COL21A1: variants seen among roughly 807,000 people sequenced by gnomAD.
COL21A1 encodes the protein collagen alpha-1(XXI) chain.
A neutral mutation model predicts 137.9 loss-of-function variants in COL21A1; 149 were observed. The observed-to-expected ratio is 1.08, with a 90% CI of 0.95 to 1.24. The LOEUF (loss-of-function observed/expected upper bound fraction) is 1.24, where lower values mean the gene tolerates loss of function less well. Among genes scored for constraint, COL21A1 ranks in the 50% most tolerant of loss-of-function variants. COL21A1 has a pLI of 0.00. For missense variants in COL21A1, 1,167 were observed against 1,158.4 expected (o/e 1.01, Z -0.11); for synonymous variants, 456 against 391.5 (o/e 1.16, Z -1.95).
At chr6:56,176,550 A>G (rs1212990665) in intron 3 of COL21A1, among the ~76,000 whole-genome samples, 1 of 150,744 alleles carries the variant, frequency 6.6e-6, no homozygotes, top group Non-Finnish European at 1.5e-5. Flanking sequence ...ATGCAAATCA[A>G]TACTACAATG....
intron 16 of COL21A1, among the ~76,000 whole-genome samples, chr6:56,114,256 T>G (rs1582392717): frequency 6.6e-6 from 1 of 152,140 alleles, no homozygotes; most frequent in African/African-American, 2.4e-5. Context: ...AGACACTGGG[T>G]GAGACCCAGT....
At chr6:56,301,975 G>A (rs942463630) in intron 1 of COL21A1, among the ~76,000 whole-genome samples, 11 of 151,866 alleles carry the variant, frequency 7.2e-5, no homozygotes, top group Non-Finnish European at 1.2e-4. Context: ...GAGAACATGC[G>A]GTGTTTGGTT....
intron 1 of COL21A1, among the ~76,000 whole-genome samples, chr6:56,372,870 C>T (rs1210926124): frequency 6.6e-6 from 1 of 152,202 alleles, no homozygotes; most frequent in African/African-American, 2.4e-5. Context: ...TAGGGAATTT[C>T]CTGCCTCATA....
At chr6:56,375,187 G>A (rs2093996898) in intron 1 of COL21A1, among the ~76,000 whole-genome samples, 1 of 152,098 alleles carries the variant, frequency 6.6e-6, no homozygotes, top group Non-Finnish European at 1.5e-5. Flanking sequence ...TTACATCAAG[G>A]TCAGCAAAAC....
chr6:56,069,832 A>T (rs901760515), intron 21 of COL21A1, among the ~76,000 whole-genome samples: 1 of 151,092 alleles, frequency 6.6e-6, no homozygotes, highest in East Asian at 1.9e-4. Flanking sequence ...TTTTGTTTTT[A>T]TAAAAAATAT....
At chr6:56,329,193 CAT>C (rs1358986674) in intron 1 of COL21A1, among the ~76,000 whole-genome samples, 3 of 152,130 alleles carry the variant, frequency 2.0e-5, no homozygotes, top group South Asian at 2.1e-4. Flanking sequence ...TATTACATGA[CAT>C]GTGTCTACTG....
chr6:56,207,029 C>T (rs1779839140), intron 1 of COL21A1, among the ~76,000 whole-genome samples: 1 of 152,048 alleles, frequency 6.6e-6, no homozygotes, highest in African/African-American at 2.4e-5. Flanking sequence ...CTCTGGGACA[C>T]ATTTAAAGCA....
intron 12 of COL21A1, among the ~76,000 whole-genome samples, chr6:56,129,695 T>A (rs1320597725): frequency 3.0e-5 from 3 of 99,778 alleles, no homozygotes; most frequent in African/African-American, 1.2e-4. Flanking sequence ...TGTGTGTGTG[T>A]GTGTGAGAGA....
At chr6:56,131,636 A>G (rs774617685) in intron 12 of COL21A1, among the ~76,000 whole-genome samples, 9 of 152,096 alleles carry the variant, frequency 5.9e-5, no homozygotes, top group Non-Finnish European at 4.4e-5. Context: ...AAAGTAAACA[A>G]AGAGTGTAGT....
intron 1 of COL21A1, among the ~76,000 whole-genome samples, chr6:56,275,716 A>G (rs1458491335): frequency 6.6e-6 from 1 of 152,168 alleles, no homozygotes; most frequent in African/African-American, 2.4e-5. Context: ...TAAAAAGTCA[A>G]AAAATGACAG....
intron 23 of COL21A1, among the ~76,000 whole-genome samples, chr6:56,066,977 ATGTGTGTG>A (rs1194811264): frequency 3.1e-4 from 45 of 146,546 alleles, no homozygotes; most frequent in African/African-American, 1.1e-3. Flanking sequence ...ATATATATAT[ATGTGTGTG>A]TGTGTGTGTG....
chr6:56,307,100 G>C (rs1387289893), intron 1 of COL21A1, among the ~76,000 whole-genome samples: 2 of 152,314 alleles, frequency 1.3e-5, no homozygotes, highest in East Asian at 3.9e-4. Flanking sequence ...TCTCAGAGAA[G>C]TACCCGGCCG....
At chr6:56,069,795 AT>A (rs1766589615) in intron 21 of COL21A1, among the ~76,000 whole-genome samples, 1 of 151,078 alleles carries the variant, frequency 6.6e-6, no homozygotes, top group Non-Finnish European at 1.5e-5. Flanking sequence ...TAAAATTCTT[AT>A]TGTTAAACAT....
intron 1 of COL21A1, among the ~76,000 whole-genome samples, chr6:56,340,993 A>G (rs1036826996): frequency 2.6e-5 from 4 of 152,114 alleles, no homozygotes; most frequent in African/African-American, 9.7e-5. Flanking sequence ...AGGCACTTTC[A>G]TGGGTGTGTG....
chr6:56,351,502 A>T (rs1008843260), intron 1 of COL21A1, among the ~76,000 whole-genome samples: 1 of 152,156 alleles, frequency 6.6e-6, no homozygotes, highest in South Asian at 2.1e-4. Context: ...GGAGCTAGAG[A>T]CTATTGCTGA....
At chr6:56,233,317 T>TAAAAACCAGCAACATGAAG (rs1233034610) in intron 1 of COL21A1, among the ~76,000 whole-genome samples, 4 of 151,442 alleles carry the variant, frequency 2.6e-5, no homozygotes, top group Non-Finnish European at 5.9e-5. Context: ...CAAATATCAA[T>TAAAAACCAGCAACATGAAG]AAAAACCAGC....
At chr6:56,168,797 T>C (rs541126450) in intron 5 of COL21A1, among the ~76,000 whole-genome samples, 31 of 151,882 alleles carry the variant, frequency 2.0e-4, no homozygotes, top group Non-Finnish European at 4.0e-4. Flanking sequence ...TACTCATAGG[T>C]CTATTCTGGA....
At chr6:56,160,176 G>A (rs1776088662) in intron 9 of COL21A1, among the ~76,000 whole-genome samples, 1 of 152,212 alleles carries the variant, frequency 6.6e-6, no homozygotes, top group Non-Finnish European at 1.5e-5. Context: ...GCTGACTGGA[G>A]AGAAAGCCAA....
intron 17 of COL21A1, among the ~76,000 whole-genome samples, chr6:56,095,436 T>A (rs961974887): frequency 6.6e-6 from 1 of 152,196 alleles, no homozygotes; most frequent in Admixed American, 6.5e-5. Flanking sequence ...CTCACTTTAG[T>A]TGTTACTAGA....
Sources: gnomAD v4.1 joint callset for allele counts (sites outside exome capture counted in the v4.1 genomes callset) on GRCh38, gnomAD v4.1.1 for gene constraint, MANE v1.5 for transcripts, NCBI Gene and HGNC (gene_info 2026-07-23, HGNC 2026-07-21) for gene names.